The following CHD9 variants were observed in gnomAD, a reference collection of about 807,000 sequenced individuals.
The protein encoded by CHD9 is ATP-dependent chromatin remodeler CHD9.
In CHD9, 77 loss-of-function variants were observed where a neutral mutation model predicts 316.1. The ratio of observed to expected loss-of-function variants is 0.24; its 90% CI spans 0.20 to 0.29. The LOEUF is 0.29. Among genes scored for constraint, CHD9 ranks in the 10% least tolerant of loss-of-function variants. The pLI is 1.00. For missense variants in CHD9, 2,763 were observed against 3,438.1 expected (o/e 0.80, Z 4.91); for synonymous variants, 1,129 against 1,158.3 (o/e 0.97, Z 0.51).
chr16:53,314,676 A>G (rs1348751660), intron 35 of CHD9, 147 bp from the exon 36 acceptor site: 12 of 970,512 alleles, frequency 1.2e-5, no homozygotes, highest in Non-Finnish European at 1.5e-6. Context: ...AGCACTGTCC[A>G]AGAGTGATAA....
chr16:53,172,856 C>T (rs561566535), intron 2 of CHD9, among the ~76,000 whole-genome samples: 107 of 152,188 alleles, frequency 7.0e-4, no homozygotes, highest in African/African-American at 2.5e-3. Context: ...TGCCCACTTA[C>T]AAAATTGGGT....
chr16:53,194,702 T>C (rs979740121), intron 2 of CHD9, among the ~76,000 whole-genome samples: 2 of 152,236 alleles, frequency 1.3e-5, no homozygotes, highest in Non-Finnish European at 2.9e-5. Context: ...TTTTCTCTTC[T>C]TCACATTTTG....
chr16:53,218,221 A>T (rs893239951), intron 3 of CHD9, among the ~76,000 whole-genome samples: 6 of 152,162 alleles, frequency 3.9e-5, no homozygotes, highest in Admixed American at 2.6e-4. Context: ...AAAATGACTA[A>T]TGAGTTCATG....
At chr16:53,125,855 A>G (rs2038948138) in intron 1 of CHD9, among the ~76,000 whole-genome samples, 1 of 152,200 alleles carries the variant, frequency 6.6e-6, no homozygotes, top group South Asian at 2.1e-4. Context: ...CAGTATTTTC[A>G]ACTTAAAATG....
rs1404741597 is a variant in CHD9, at chr16:53,222,744, C to G, written c.1885C>G (p.Gln629Glu). ...EQMPQHTLKD[Q>E]DSQKRRSNRQ... ...GATGCCACAGCATACATTAAAAGATCAAGACTCTCAAGTGAGTATTACAAT... is the reference window on the plus strand; with the variant it reads ...GATGCCACAGCATACATTAAAAGATGAAGACTCTCAAGTGAGTATTACAAT... Residue 629 changes from glutamine to glutamate, a missense_variant, in exon 4 of 39, where the codon CAA becomes GAA. Coordinates refer to ENST00000447540, the MANE Select transcript of CHD9 (RefSeq NM_001308319.2). 6.7e-7 allele frequency: 1 copy of G among 1,485,364 alleles called. No individual in the cohort carries two copies. The highest frequency in any genetic ancestry group is 1.2e-5 in the South Asian group (1 of 81,266). 92.0% of individuals were successfully genotyped at this position (1,485,364 alleles called of 1,614,324 possible).
In CHD9 at chr16:53,233,065, T is replaced by G. The variant is rs115761164; in HGVS notation, c.2511+1281T>G. On this transcript the variant is annotated intron_variant, in intron 10 of 38. Transcript: ENST00000447540. The stretch of plus-strand genomic sequence containing the variant: ...GGATGCCAGCTGGCTGTCCTCTAAT[T>G]CAGTTCTACCCAGCTCTAATTCACC... 2.3e-3 allele frequency among the ~76,000 whole-genome samples: 351 copies of G among 152,246 alleles called. 1 individual carries two copies. Among genetic ancestry groups the G allele is most frequent in the African/African-American group, 7.9e-3 (327 of 41,548 alleles).
At chr16:53,270,468 C>T (rs58761191) in intron 22 of CHD9, among the ~76,000 whole-genome samples, 44,709 of 151,704 alleles carry the variant, frequency 0.29, 6,746 homozygotes, top group Middle Eastern at 0.36. Flanking sequence ...AATTTAGATA[C>T]CACTAAATAT....
At chr16:53,089,935 A>G (rs953544791) in intron 1 of CHD9, among the ~76,000 whole-genome samples, 5 of 152,334 alleles carry the variant, frequency 3.3e-5, no homozygotes, top group East Asian at 3.9e-4. Flanking sequence ...AAAAATGCCA[A>G]TCAAAAATAA....
Position 53,111,023 on chromosome 16 carries a change from C to G in CHD9, c.-164-44903C>G, listed in dbSNP as rs115753678. 1.8e-3 allele frequency among the ~76,000 whole-genome samples: 275 copies of G among 152,242 alleles called. 1 individual carries two copies. The highest frequency in any genetic ancestry group is 6.3e-3 in the African/African-American group (261 of 41,538). On this transcript the variant is annotated intron_variant, in intron 1 of 38. Transcript: ENST00000447540. ...ACCCCTTTGCCAAGGTTCTGCCCCA[C>G]CTATTTAACCAATAGATTATTGTGG...
chr16:53,072,202 C>T (rs555808618), intron 1 of CHD9, among the ~76,000 whole-genome samples: 4 of 152,184 alleles, frequency 2.6e-5, no homozygotes, highest in East Asian at 3.9e-4. Context: ...GCCAACTTCC[C>T]GGCCACTTGT....
At chr16:53,183,995 A>T (rs905861243) in intron 2 of CHD9, among the ~76,000 whole-genome samples, 1 of 149,608 alleles carries the variant, frequency 6.7e-6, no homozygotes, top group African/African-American at 2.5e-5. Flanking sequence ...CCCATGCTGG[A>T]GTGCAGTGGC....
intron 2 of CHD9, among the ~76,000 whole-genome samples, chr16:53,161,691 G>A (rs1457987867): frequency 6.6e-6 from 1 of 152,134 alleles, no homozygotes; most frequent in Non-Finnish European, 1.5e-5. Flanking sequence ...AATCTATTTA[G>A]AATTCTAGAA....
chr16:53,118,793 CTTT>C (rs565529283), intron 1 of CHD9, among the ~76,000 whole-genome samples: 1 of 127,160 alleles, frequency 7.9e-6, no homozygotes, highest in Non-Finnish European at 1.6e-5. Flanking sequence ...AGATAACTTT[CTTT>C]TTTTTTTTTT....
At chr16:53,161,505 TGTA>T (rs1249733405) in intron 2 of CHD9, among the ~76,000 whole-genome samples, 2 of 152,202 alleles carry the variant, frequency 1.3e-5, no homozygotes, top group African/African-American at 4.8e-5. Flanking sequence ...CTCTCTTAAT[TGTA>T]GTAATTTCAT....
intron 1 of CHD9, among the ~76,000 whole-genome samples, chr16:53,073,679 G>T (rs1425770851): frequency 3.9e-5 from 6 of 152,200 alleles, no homozygotes; most frequent in African/African-American, 1.4e-4. Context: ...AGTCTCATGA[G>T]ATCTGATGGG....
chr16:53,164,597 A>G lies in CHD9; in HGVS notation c.1452+7056A>G, dbSNP rs2042145326. 3.3e-5 allele frequency among the ~76,000 whole-genome samples: 5 copies of G among 151,562 alleles called. No individual in the cohort carries two copies. In the East Asian group the frequency reaches 7.8e-4, roughly 24 times the overall value. ...CTGTCTCAAAAAACAAAAAACAACC[A>G]TAACAACAAAAAACTAAGAAGTGTT... is the stretch of plus-strand genomic sequence containing the variant. On this transcript the variant is annotated intron_variant, in intron 2 of 38. Transcript: ENST00000447540.
chr16:53,243,811 A>G (rs1171818976), intron 13 of CHD9, among the ~76,000 whole-genome samples: 1 of 152,256 alleles, frequency 6.6e-6, no homozygotes, highest in African/African-American at 2.4e-5. Context: ...TTTCAAATGA[A>G]AGCATTTTTT....
intron 3 of CHD9, among the ~76,000 whole-genome samples, chr16:53,216,486 T>G (rs1266351108): frequency 6.6e-6 from 1 of 152,194 alleles, no homozygotes; most frequent in East Asian, 1.9e-4. Flanking sequence ...TATGTGTCAT[T>G]TTATTTTAAA....
At position 53,286,312 on chromosome 16, in the gene CHD9, G is replaced by A. The variant is rs768671014; in HGVS notation, c.5158G>A (p.Ala1720Thr). Reference protein sequence around the residue: ...VGKPDEKAVAAEQRANDYMDG... With the variant: ...VGKPDEKAVATEQRANDYMDG... The stretch of plus-strand genomic sequence containing the variant: ...AAAACCTGATGAGAAAGCAGTTGCT[G>A]CTGAACAGAGAGCGAATGATTATAT... The change falls in exon 26 of 39, where the codon GCT (alanine) becomes ACT (threonine). Residue 1720 changes from alanine (A) to threonine (T), a missense_variant. Transcript: ENST00000447540. 1 of 1,611,058 alleles carries A rather than the reference G, an allele frequency of 6.2e-7. No homozygotes were observed. The highest frequency in any genetic ancestry group is 8.5e-7 in the Non-Finnish European group (1 of 1,177,292).
Sources: allele counts gnomAD v4.1 joint callset (sites outside exome capture counted in the v4.1 genomes callset), GRCh38; gene constraint gnomAD v4.1.1; transcripts MANE v1.5; gene names NCBI Gene and HGNC (gene_info 2026-07-23, HGNC 2026-07-21).